The following SCD5 variants were observed in gnomAD, a reference collection of about 807,000 sequenced individuals.
SCD5 encodes the protein acyl-CoA-desaturase 4.
In SCD5, 20 loss-of-function variants were observed where a neutral mutation model predicts 30.4. That is an observed-to-expected ratio of 0.66 (90% CI 0.46 to 0.96). The LOEUF (loss-of-function observed/expected upper bound fraction) is 0.96, where lower values mean the gene tolerates loss of function less well. SCD5 is among the 40% of genes least tolerant of loss of function. SCD5 has a pLI of 0.00. For missense variants in SCD5, 381 were observed against 443.3 expected, an observed-to-expected ratio of 0.86 and a Z score of 1.26; for synonymous variants, 173 against 176.4, an observed-to-expected ratio of 0.98 and a Z score of 0.16.
intron 1 of SCD5, among the ~76,000 whole-genome samples, chr4:82,790,853 C>G (rs1722085504): frequency 6.6e-6 from 1 of 152,078 alleles, no homozygotes; most frequent in Non-Finnish European, 1.5e-5. Flanking sequence ...TTCATCAGGC[C>G]TAGGTAAAGA....
chr4:82,653,069 G>A (rs1390415752), intron 3 of SCD5, among the ~76,000 whole-genome samples: 2 of 152,104 alleles, frequency 1.3e-5, no homozygotes, highest in Admixed American at 6.6e-5. Context: ...CAGGAGGATC[G>A]CCTGAGCCTG....
At chr4:82,741,703 T>A (rs1720875709) in intron 1 of SCD5, among the ~76,000 whole-genome samples, 2 of 152,170 alleles carry the variant, frequency 1.3e-5, no homozygotes, top group Non-Finnish European at 2.9e-5. Context: ...CCATTTTAAT[T>A]GAGGCACCAA....
At chr4:82,739,626 T>C (rs1464953) in intron 1 of SCD5, among the ~76,000 whole-genome samples, 65,998 of 152,178 alleles carry the variant, frequency 0.43, 17,302 homozygotes, top group South Asian at 0.59. Flanking sequence ...AAGTATCTAT[T>C]GCCATGTGTG....
intron 1 of SCD5, among the ~76,000 whole-genome samples, chr4:82,746,957 TC>T: frequency 4.3e-5 from 1 of 23,290 alleles, no homozygotes; most frequent in South Asian, 2.6e-3. Flanking sequence ...CACAAGGGCG[TC>T]AGGGGGAGAG....
Position 82,766,238 on chromosome 4 carries a change from C to T in SCD5, c.232+32068G>A, listed in dbSNP as rs150128188. Among the ~76,000 whole-genome samples, 1,465 of 152,316 alleles carry T rather than the reference C, an allele frequency of 9.6e-3. 16 individuals carry two copies. Among genetic ancestry groups the T allele is most frequent in the Non-Finnish European group, 0.014 (942 of 68,038 alleles). ...ATTACACTCATATTAAGCCATCTGA[C>T]GCTGTCCCACAGCTCACTGATGCTC... On this transcript the variant is annotated intron_variant, in intron 1 of 4. Coordinates refer to ENST00000319540, the MANE Select transcript of SCD5 (RefSeq NM_001037582.3).
At chr4:82,791,548 A>G (rs1035670783) in intron 1 of SCD5, among the ~76,000 whole-genome samples, 1 of 152,194 alleles carries the variant, frequency 6.6e-6, no homozygotes, top group African/African-American at 2.4e-5. Context: ...GCGAAGTGAA[A>G]CACTAAGGAA....
chr4:82,660,718 T>C, intron 3 of SCD5: 10 of 1,451,740 alleles, frequency 6.9e-6, no homozygotes, highest in Non-Finnish European at 9.0e-6. Flanking sequence ...GCTGCCTCCT[T>C]GTGTCAACTG....
At chr4:82,671,520 G>T (rs1337289162) in intron 3 of SCD5, among the ~76,000 whole-genome samples, 2 of 152,110 alleles carry the variant, frequency 1.3e-5, no homozygotes, top group Admixed American at 6.6e-5. Flanking sequence ...AAATTTAAAA[G>T]AATAGAAATT....
chr4:82,727,954 C>T (rs1464605887), intron 1 of SCD5, among the ~76,000 whole-genome samples: 3 of 152,058 alleles, frequency 2.0e-5, no homozygotes, highest in African/African-American at 7.2e-5. Context: ...GTGATCTGCC[C>T]GCCTCGGCCC....
chr4:82,749,317 C>T (rs762269108), intron 1 of SCD5, among the ~76,000 whole-genome samples: 4 of 152,246 alleles, frequency 2.6e-5, no homozygotes, highest in South Asian at 2.1e-4. Flanking sequence ...AATCCCAGTC[C>T]GGGGTGATAA....
At chr4:82,759,362 G>C (rs929840755) in intron 1 of SCD5, among the ~76,000 whole-genome samples, 2 of 152,138 alleles carry the variant, frequency 1.3e-5, no homozygotes, top group Non-Finnish European at 2.9e-5. Flanking sequence ...TTTCTTCCTA[G>C]AGCTCCTGCC....
chr4:82,661,342 T>C (rs900391828), intron 3 of SCD5, among the ~76,000 whole-genome samples: 3 of 152,208 alleles, frequency 2.0e-5, no homozygotes, highest in Admixed American at 2.0e-4. Flanking sequence ...TTCTGGGTAA[T>C]GGAACAGCTA....
intron 1 of SCD5, among the ~76,000 whole-genome samples, chr4:82,718,063 C>A (rs1720268827): frequency 7.5e-6 from 1 of 133,490 alleles, no homozygotes; most frequent in Non-Finnish European, 1.5e-5. Flanking sequence ...AGTTATGGGT[C>A]ATTATCACCT....
intron 2 of SCD5, among the ~76,000 whole-genome samples, chr4:82,694,507 G>A (rs1719651683): frequency 6.6e-6 from 1 of 152,136 alleles, no homozygotes; most frequent in Non-Finnish European, 1.5e-5. Context: ...CCTTTGGCCT[G>A]TAAGAGGCTT....
At chr4:82,642,267 G>T (rs1363001368) in intron 3 of SCD5, among the ~76,000 whole-genome samples, 1 of 152,128 alleles carries the variant, frequency 6.6e-6, no homozygotes, top group Non-Finnish European at 1.5e-5. Context: ...CTTAAACCCT[G>T]AATGTCTGAT....
chr4:82,649,734 C>T (rs887009160), intron 3 of SCD5, among the ~76,000 whole-genome samples: 4 of 151,768 alleles, frequency 2.6e-5, no homozygotes, highest in African/African-American at 9.7e-5. Context: ...TAGGGAAGAC[C>T]CATGCCTTCC....
intron 1 of SCD5, among the ~76,000 whole-genome samples, chr4:82,720,441 T>TAAAAAAAAAAAAAAAAAAAAAAAAAAAAA (rs1553917690): frequency 1.3e-5 from 1 of 77,936 alleles, no homozygotes; most frequent in Non-Finnish European, 2.4e-5. Context: ...AAGGCAAAAA[T>TAAAAAAAAAAAAAAAAAAAAAAAAAAAAA]AAAAAAAAAA....
At chr4:82,734,921 T>G (rs972456076) in intron 1 of SCD5, among the ~76,000 whole-genome samples, 3 of 151,488 alleles carry the variant, frequency 2.0e-5, no homozygotes, top group Admixed American at 6.6e-5. Flanking sequence ...TGTGCCACCA[T>G]GCCCAGCTAA....
At chr4:82,723,811 AG>A (rs1720418520) in intron 1 of SCD5, among the ~76,000 whole-genome samples, 1 of 152,250 alleles carries the variant, frequency 6.6e-6, no homozygotes, top group East Asian at 1.9e-4. Flanking sequence ...GTCAATGTCA[AG>A]GGTGAGGGTC....
Sources: allele counts gnomAD v4.1 joint callset (sites outside exome capture counted in the v4.1 genomes callset), GRCh38; gene constraint gnomAD v4.1.1; transcripts MANE v1.5; gene names NCBI Gene and HGNC (gene_info 2026-07-23, HGNC 2026-07-21).